The following CNOT3 variants were observed in gnomAD, a reference collection of about 807,000 sequenced individuals.
The protein encoded by CNOT3 is CCR4-associated factor 3.
A neutral mutation model predicts 89.4 loss-of-function variants in CNOT3; 2 were observed. The ratio of observed to expected loss-of-function variants is 0.02; its 90% confidence interval spans 0.01 to 0.07. CNOT3 has a LOEUF of 0.07. CNOT3 is among the 10% of genes least tolerant of loss of function. The pLI is 1.00. For synonymous variants in CNOT3, 486 were observed against 402.0 expected (o/e 1.21, Z -2.50); for missense variants, 664 against 1,010.2 (o/e 0.66, Z 4.65).
At chr19:54,153,597 G>T in intron 16 of CNOT3, 118 bp from the exon 17 acceptor site, 1 of 812,388 alleles carries the variant, frequency 1.2e-6, no homozygotes. Context: ...GGATTGTCCA[G>T]CCCAACTGTG....
At chr19:54,139,928 CTGTG>C (rs2074380642) in intron 1 of CNOT3, among the ~76,000 whole-genome samples, 1 of 152,146 alleles carries the variant, frequency 6.6e-6, no homozygotes, top group Non-Finnish European at 1.5e-5. Flanking sequence ...CTCAGAGCCT[CTGTG>C]TGGCCACGTC....
intron 9 of CNOT3, 105 bp downstream of exon 9, chr19:54,146,148 A>G (rs748068093): frequency 1.6e-5 from 20 of 1,242,076 alleles, no homozygotes; most frequent in Non-Finnish European, 2.3e-5. Context: ...AATTGAGGAA[A>G]CACAGATCTA....
At chr19:54,151,043 G>A (rs2075067731) in intron 13 of CNOT3, among the ~76,000 whole-genome samples, 1 of 152,054 alleles carries the variant, frequency 6.6e-6, no homozygotes. Flanking sequence ...CACCCACCTT[G>A]ACCTCCCAAA....
chr19:54,141,954 T>C (rs1176193432), intron 1 of CNOT3: 5 of 152,208 alleles, frequency 3.3e-5, no homozygotes, highest in African/African-American at 7.2e-5. Flanking sequence ...TAAAGCTCCT[T>C]GGAACTCCCT....
At position 54,143,763 on chromosome 19, in the gene CNOT3, G is replaced by T. The variant is rs2074550349; in HGVS notation, c.258+14G>T. 1 of 1,612,034 alleles carries T rather than the reference G, an allele frequency of 6.2e-7. No homozygotes were observed. The highest frequency in any genetic ancestry group is 2.2e-5 in the East Asian group (1 of 44,860). On this transcript the variant is annotated intron_variant, in intron 5 of 17. Coordinates refer to ENST00000221232, the MANE Select transcript of CNOT3 (RefSeq NM_014516.4). ...CTCATTGAGACGGTAGGAGCCCAGA[G>T]CCTGAGTCCCAGAGAGGTGGGAAGG...
intron 17 of CNOT3, chr19:54,154,168 T>A: frequency 1.9e-6 from 1 of 524,882 alleles, no homozygotes; most frequent in South Asian, 1.7e-5. Flanking sequence ...CCAGTATGTG[T>A]CCCTGCACCA....
intron 16 of CNOT3, chr19:54,153,231 G>A (rs773012026): frequency 1.1e-4 from 81 of 763,294 alleles, no homozygotes; most frequent in Non-Finnish European, 4.6e-5. Context: ...GTCCACTGAG[G>A]CACACCTCAG....
Position 54,152,476 on chromosome 19 carries a change from C to T in CNOT3, c.1754C>T (p.Pro585Leu), listed in dbSNP as rs1485224059. 1 of 1,614,220 alleles carries T rather than the reference C, an allele frequency of 6.2e-7. No homozygotes were observed. Residue 585 changes from proline (P) to leucine (L), a missense_variant, in exon 15 of 18, where the codon CCC becomes CTC. This residue lies in a region of CNOT3 where 545 missense variants were observed against 566.2 expected (regional missense o/e 0.96). Transcript: ENST00000221232. ...GCACCTCCGGCCTCAGCCCAGCCGCCCCTGCAGCTGTCAGAGGTGAACATA... is the reference window on the plus strand; with the variant it reads ...GCACCTCCGGCCTCAGCCCAGCCGCTCCTGCAGCTGTCAGAGGTGAACATA... The part of the protein sequence containing the change: ...TSAPPASAQP[P>L]LQLSEVNIPL...
Position 54,152,209 on chromosome 19 carries a change from T to C in CNOT3, c.1606-17T>C, listed in dbSNP as rs1305071444. Reference sequence around the variant, plus strand: ...GCAGCCCAAGTGCTCAGGCCAGGCCTCTTGTTTCCTCCCCAGGCCCCTGAG... The same window carrying C: ...GCAGCCCAAGTGCTCAGGCCAGGCCCCTTGTTTCCTCCCCAGGCCCCTGAG... On this transcript the variant is annotated splice_polypyrimidine_tract_variant and intron_variant, in intron 13 of 17. Transcript: ENST00000221232. 6.2e-7 allele frequency: 1 copy of C among 1,613,764 alleles called. No homozygotes were observed. The highest frequency in any genetic ancestry group is 1.3e-5 in the African/African-American group (1 of 75,040).
intron 1 of CNOT3, chr19:54,141,249 C>G (rs754527744): frequency 2.6e-5 from 4 of 152,222 alleles, no homozygotes; most frequent in Non-Finnish European, 4.4e-5. Context: ...TAGAGATTCC[C>G]CAGGTAGGGC....
chr19:54,141,568 C>A (rs1197165170), intron 1 of CNOT3: 1 of 152,238 alleles, frequency 6.6e-6, no homozygotes, highest in Non-Finnish European at 1.5e-5. Context: ...CAGTGGCCAA[C>A]AGATATGCGC....
intron 9 of CNOT3, 29 bp downstream of exon 9, chr19:54,146,072 G>C (rs587649000): frequency 6.2e-6 from 10 of 1,608,252 alleles, no homozygotes; most frequent in Non-Finnish European, 8.5e-6. Context: ...CTAGTACCTT[G>C]TGTTTCCAGC....
In CNOT3 at chr19:54,148,552, C is replaced by G; in HGVS notation, c.1282+17C>G. ...GCGCCACCAGTGAGTGAGGAGGCAG[C>G]GGGGTGGGGGGCGTGGGCGGGGCTG... On this transcript the variant is annotated intron_variant, in intron 11 of 17. Transcript: ENST00000221232. This position sits in a 1 kb window ranked among gnomAD's most constrained non-coding sequence, Gnocchi z 6.3. 4 of 1,094,500 alleles carry G rather than the reference C, an allele frequency of 3.7e-6. No homozygotes were observed. Among genetic ancestry groups the G allele is most frequent in the Non-Finnish European group, 5.5e-6 (4 of 721,222 alleles). 67.8% of individuals were successfully genotyped at this position (1,094,500 alleles called of 1,614,324 possible).
intron 17 of CNOT3, chr19:54,154,336 G>C: frequency 3.5e-6 from 1 of 286,510 alleles, no homozygotes; most frequent in Non-Finnish European, 7.1e-6. Flanking sequence ...AAACACTCTG[G>C]AACCAACCTA....
chr19:54,153,458 C>T (rs1403987608), intron 16 of CNOT3: 3 of 775,260 alleles, frequency 3.9e-6, no homozygotes, highest in South Asian at 2.7e-5. Flanking sequence ...CCTCCTCTCT[C>T]AGCTCTCATC....
chr19:54,143,150 C>G lies in CNOT3; in HGVS notation c.57C>G (p.Ser19=). 6.2e-7 allele frequency: 1 copy of G among 1,613,910 alleles called. No homozygotes were observed. The highest frequency in any genetic ancestry group is 8.5e-7 in the Non-Finnish European group (1 of 1,179,958). The change falls in exon 3 of 18, where the codon TCC becomes TCG. Residue 19 remains serine, a synonymous_variant. Coordinates refer to ENST00000221232, the MANE Select transcript of CNOT3 (RefSeq NM_014516.4). Reference sequence around the variant, plus strand: ...TTGATCGCTGCCTCAAGAAGGTGTCCGAGGGCGTGGAGCAGTTTGAAGATA... The same window carrying G: ...TTGATCGCTGCCTCAAGAAGGTGTCGGAGGGCGTGGAGCAGTTTGAAGATA... ...GEIDRCLKKV[S]EGVEQFEDIW... is the part of the protein sequence containing the mutation.
At chr19:54,140,298 G>A (rs587652818) in intron 1 of CNOT3, among the ~76,000 whole-genome samples, 1 of 152,276 alleles carries the variant, frequency 6.6e-6, no homozygotes, top group South Asian at 2.1e-4. Flanking sequence ...GGGGATGTGT[G>A]TTCCTCTTGG....
In CNOT3 at chr19:54,148,161, A is replaced by T; in HGVS notation, c.908A>T (p.Asn303Ile). Reference sequence around the variant, plus strand: ...TCCCACCCGCAGTCTCCAGCCAAAAACGGCTCCAAGCCTGTCCACAGCAAC... The same window carrying T: ...TCCCACCCGCAGTCTCCAGCCAAAATCGGCTCCAAGCCTGTCCACAGCAAC... ...DSEVSQSPAK[N>I]GSKPVHSNQH... Residue 303 changes from asparagine (N) to isoleucine (I), a missense_variant, in exon 11 of 18, where the codon AAC becomes ATC. Transcript: ENST00000221232. This position sits in a 1 kb window ranked among gnomAD's most constrained non-coding sequence, Gnocchi z 6.3. The T allele has an allele frequency of 6.6e-7, 1 of 1,517,608 alleles. No homozygotes were observed. Among genetic ancestry groups the T allele is most frequent in the Non-Finnish European group, 8.8e-7 (1 of 1,132,902 alleles). 94.0% of individuals were successfully genotyped at this position (1,517,608 alleles called of 1,614,324 possible).
chr19:54,144,156 G>A lies in CNOT3; in HGVS notation c.387+22G>A. The A allele has an allele frequency of 6.2e-7, 1 of 1,608,976 alleles. No homozygotes were observed. The highest frequency in any genetic ancestry group is 8.5e-7 in the Non-Finnish European group (1 of 1,176,956). On this transcript the variant is annotated intron_variant, in intron 6 of 17. Transcript: ENST00000221232. This position sits in a 1 kb window ranked among gnomAD's most constrained non-coding sequence, Gnocchi z 4.8. ...CACGGTGAGTTGGGGTAGAGAAGAG[G>A]AGGTGAACTCTGAGGATCCTGAGCC... is the stretch of plus-strand genomic sequence containing the variant.
Sources: allele counts gnomAD v4.1 joint callset (sites outside exome capture counted in the v4.1 genomes callset), GRCh38; gene constraint gnomAD v4.1.1; regional missense constraint gnomAD v4.1.1; non-coding constraint Gnocchi (gnomAD v3.1); transcripts MANE v1.5; gene names NCBI Gene and HGNC (gene_info 2026-07-23, HGNC 2026-07-21).